The following PTPRD variants were observed in gnomAD, a reference collection of about 807,000 sequenced individuals.
The protein encoded by PTPRD is receptor-type tyrosine-protein phosphatase delta.
Under a neutral mutation model 214.5 loss-of-function variants are expected in PTPRD, and 34 were observed. The observed-to-expected ratio is 0.16, with a 90% CI of 0.12 to 0.21. The LOEUF (loss-of-function observed/expected upper bound fraction) is 0.21. Ranked by LOEUF, PTPRD falls within the 10% of genes least tolerant of loss-of-function variation. The pLI is 1.00. For synonymous variants in PTPRD, 1,128 were observed against 845.7 expected (o/e 1.33, Z -5.79); for missense variants, 2,545 against 2,398.7 (o/e 1.06, Z -1.27).
At chr9:10,100,553 A>C (rs2098541666) in intron 3 of PTPRD, among the ~76,000 whole-genome samples, 2 of 151,734 alleles carry the variant, frequency 1.3e-5, no homozygotes, top group Admixed American at 1.3e-4. Flanking sequence ...GAAGTCAGCA[A>C]CCACAGGGAA....
intron 14 of PTPRD, among the ~76,000 whole-genome samples, chr9:8,548,676 ATTTTTTTTTTTTTT>A (rs71317369): frequency 7.1e-4 from 29 of 41,116 alleles, no homozygotes; most frequent in African/African-American, 2.0e-3. Context: ...CTGGAGCTGG[ATTTTTTTTTTTTTT>A]TTTTTTTTTT....
At chr9:9,196,130 A>G (rs1039690808) in intron 9 of PTPRD, among the ~76,000 whole-genome samples, 2 of 152,186 alleles carry the variant, frequency 1.3e-5, no homozygotes, top group Admixed American at 1.3e-4. Flanking sequence ...CATATGAAAG[A>G]TAAGAGAATT....
intron 3 of PTPRD, among the ~76,000 whole-genome samples, chr9:10,315,891 C>T (rs2096409056): frequency 6.6e-6 from 1 of 151,818 alleles, no homozygotes; most frequent in Admixed American, 6.6e-5. Flanking sequence ...GAGTCTTTCT[C>T]ATGAAAGTTT....
chr9:8,418,809 A>C (rs902742332), intron 35 of PTPRD, among the ~76,000 whole-genome samples: 2 of 152,108 alleles, frequency 1.3e-5, no homozygotes, highest in Non-Finnish European at 2.9e-5. Flanking sequence ...CCCATTGGCT[A>C]AGCTATGAAC....
At chr9:10,422,341 G>C (rs548395737) in intron 2 of PTPRD, among the ~76,000 whole-genome samples, 2 of 151,972 alleles carry the variant, frequency 1.3e-5, no homozygotes, top group African/African-American at 4.8e-5. Context: ...TGTTAGACCT[G>C]AAACCATAAA....
chr9:9,643,463 G>T (rs1406328484), intron 7 of PTPRD, among the ~76,000 whole-genome samples: 1 of 152,130 alleles, frequency 6.6e-6, no homozygotes, highest in African/African-American at 2.4e-5. Context: ...TGGTGGAGAT[G>T]ATTCTAGAAT....
intron 8 of PTPRD, among the ~76,000 whole-genome samples, chr9:9,519,250 A>G (rs1446230531): frequency 6.6e-6 from 1 of 151,760 alleles, no homozygotes; most frequent in Non-Finnish European, 1.5e-5. Context: ...GGAAAAAACA[A>G]AGGCTGAAAA....
chr9:8,538,255 C>T (rs1278374292), intron 14 of PTPRD, among the ~76,000 whole-genome samples: 11 of 151,664 alleles, frequency 7.3e-5, no homozygotes, highest in South Asian at 2.1e-4. Flanking sequence ...ACCACTTTAC[C>T]GAAATGTATA....
At chr9:9,078,280 C>G (rs771334971) in intron 10 of PTPRD, among the ~76,000 whole-genome samples, 1 of 151,946 alleles carries the variant, frequency 6.6e-6, no homozygotes, top group Non-Finnish European at 1.5e-5. Flanking sequence ...ATATTTTTTC[C>G]ACTTCGCAAG....
chr9:10,286,955 C>T (rs779546384), intron 3 of PTPRD, among the ~76,000 whole-genome samples: 3 of 152,012 alleles, frequency 2.0e-5, no homozygotes, highest in Non-Finnish European at 4.4e-5. Flanking sequence ...ATGTCTTAAG[C>T]ATGGTAGAGA....
intron 3 of PTPRD, among the ~76,000 whole-genome samples, chr9:10,162,709 GTATATA>G (rs1491552950): frequency 7.0e-6 from 1 of 142,292 alleles, no homozygotes; most frequent in African/African-American, 2.6e-5. Context: ...ACATATACAC[GTATATA>G]TATACATATA....
intron 10 of PTPRD, among the ~76,000 whole-genome samples, chr9:9,102,515 A>T (rs140780455): frequency 5.3e-5 from 8 of 152,368 alleles, no homozygotes; most frequent in Admixed American, 3.3e-4. Flanking sequence ...CATGTAAGCC[A>T]GATTTGCTCC....
rs148974658 is a variant in PTPRD, at chr9:9,648,723, T to C, written c.-286-73942A>G. On this transcript the variant is annotated intron_variant, in intron 7 of 45. Coordinates refer to ENST00000381196, the MANE Select transcript of PTPRD (RefSeq NM_002839.4). ...TGAATTGCAGGGAAATTGCTTGAATTTATTAGTGAGGTGCAAGTCTAAGAT... is the reference window on the plus strand; with the variant it reads ...TGAATTGCAGGGAAATTGCTTGAATCTATTAGTGAGGTGCAAGTCTAAGAT... 4.2e-3 allele frequency among the ~76,000 whole-genome samples: 635 copies of C among 152,316 alleles called. 3 individuals carry two copies. The highest frequency in any genetic ancestry group is 0.014 in the African/African-American group (592 of 41,570).
At chr9:9,483,967 T>C (rs1728300457) in intron 8 of PTPRD, among the ~76,000 whole-genome samples, 1 of 151,848 alleles carries the variant, frequency 6.6e-6, no homozygotes. Context: ...ACAGGTTTTC[T>C]GTGCTAAAAA....
intron 3 of PTPRD, among the ~76,000 whole-genome samples, chr9:10,052,594 T>C (rs113777002): frequency 6.6e-6 from 1 of 152,148 alleles, no homozygotes; most frequent in Non-Finnish European, 1.5e-5. Context: ...TGAAAACACA[T>C]GAGATGGTTA....
At chr9:9,473,501 C>T (rs960237602) in intron 8 of PTPRD, among the ~76,000 whole-genome samples, 9 of 152,062 alleles carry the variant, frequency 5.9e-5, no homozygotes, top group Non-Finnish European at 1.3e-4. Context: ...AGTGAGATTG[C>T]TGGAGTGCAT....
At chr9:8,939,065 G>C (rs967315443) in intron 11 of PTPRD, among the ~76,000 whole-genome samples, 1 of 152,108 alleles carries the variant, frequency 6.6e-6, no homozygotes, top group Non-Finnish European at 1.5e-5. Flanking sequence ...CTATGTAATT[G>C]AATTTTGAAT....
chr9:9,972,123 G>A lies in PTPRD; in HGVS notation c.-471-33513C>T, dbSNP rs186497148. ...ATTATACTATATTCCTATTTATCTG[G>A]TTACGTAGAAATTGACAGTCAGAAA... On this transcript the variant is annotated intron_variant, in intron 4 of 45. Transcript: ENST00000381196. 2.6e-4 allele frequency among the ~76,000 whole-genome samples: 40 copies of A among 152,028 alleles called. 1 individual carries two copies. Among genetic ancestry groups the A allele is most frequent in the Non-Finnish European group, 4.3e-4 (29 of 67,942 alleles).
At chr9:8,699,766 C>T (rs1408942819) in intron 12 of PTPRD, among the ~76,000 whole-genome samples, 1 of 138,762 alleles carries the variant, frequency 7.2e-6, no homozygotes, top group Non-Finnish European at 1.5e-5. Flanking sequence ...AGTGCAACGC[C>T]CAAAAGAAAA....
Sources: allele counts gnomAD v4.1 joint callset (sites outside exome capture counted in the v4.1 genomes callset), GRCh38; gene constraint gnomAD v4.1.1; transcripts MANE v1.5; gene names NCBI Gene and HGNC (gene_info 2026-07-23, HGNC 2026-07-21).